STOX1: variants seen among roughly 807,000 people sequenced by gnomAD.
The protein encoded by STOX1 is storkhead-box protein 1.
In STOX1, 57 loss-of-function variants were observed where a neutral mutation model predicts 74.8. That is an observed-to-expected ratio of 0.76 (90% confidence interval 0.62 to 0.95). The LOEUF (loss-of-function observed/expected upper bound fraction) is 0.95, where lower values mean the gene tolerates loss of function less well. STOX1 is among the 40% of genes least tolerant of loss of function. The pLI is 0.00. For synonymous variants in STOX1, 375 were observed against 401.3 expected, an observed-to-expected ratio of 0.93 and a Z score of 0.78; for missense variants, 1,010 against 1,117.0, an observed-to-expected ratio of 0.90 and a Z score of 1.37.
At chr10:68,829,240 C>T (rs903318625) in intron 1 of STOX1, among the ~76,000 whole-genome samples, 3 of 152,182 alleles carry the variant, frequency 2.0e-5, no homozygotes, top group Admixed American at 1.3e-4. Context: ...TTTGAGAGGC[C>T]GAGGCAAGTG....
chr10:68,851,031 A>G (rs1267040575), intron 1 of STOX1, among the ~76,000 whole-genome samples: 1 of 151,106 alleles, frequency 6.6e-6, no homozygotes, highest in Non-Finnish European at 1.5e-5. Flanking sequence ...AAGAGAGGCC[A>G]GGTGCGGTGG....
intron 1 of STOX1, among the ~76,000 whole-genome samples, chr10:68,871,770 A>G (rs987172166): frequency 6.6e-6 from 1 of 152,146 alleles, no homozygotes; most frequent in African/African-American, 2.4e-5. Context: ...TTTCCATTTC[A>G]TTTGATTTTC....
intron 1 of STOX1, among the ~76,000 whole-genome samples, chr10:68,862,138 C>T (rs572348893): frequency 6.6e-6 from 1 of 152,182 alleles, no homozygotes; most frequent in African/African-American, 2.4e-5. Context: ...TGTAGCGCAA[C>T]TCCAGCTGCT....
intron 3 of STOX1, among the ~76,000 whole-genome samples, chr10:68,891,208 G>T (rs1643553136): frequency 1.3e-5 from 2 of 152,202 alleles, no homozygotes; most frequent in African/African-American, 2.4e-5. Context: ...AGAGGAAAGG[G>T]AAAGGAAAGT....
At chr10:68,864,265 CTT>C (rs1288647427) in intron 1 of STOX1, among the ~76,000 whole-genome samples, 1 of 152,176 alleles carries the variant, frequency 6.6e-6, no homozygotes, top group Non-Finnish European at 1.5e-5. Flanking sequence ...GTCCGAAAAA[CTT>C]TACCTTTTGA....
chr10:68,868,211 G>C lies in STOX1; in HGVS notation c.311-13747G>C, dbSNP rs541635386. Among the ~76,000 whole-genome samples, 14 of 152,356 alleles carry C rather than the reference G, an allele frequency of 9.2e-5. 1 individual carries two copies. The South Asian group carries it at 2.9e-3, about 32-fold the overall frequency. On this transcript the variant is annotated intron_variant, in intron 1 of 3. Coordinates refer to ENST00000298596, the MANE Select transcript of STOX1 (RefSeq NM_152709.5). Reference sequence around the variant, plus strand: ...GACAGAGAAATAGAGTGCAAAGTGGGATCGGGGGGCTAACAGCCTTCAGAG... The same window carrying C: ...GACAGAGAAATAGAGTGCAAAGTGGCATCGGGGGGCTAACAGCCTTCAGAG...
chr10:68,865,406 T>G (rs1035960664), intron 1 of STOX1, among the ~76,000 whole-genome samples: 3 of 152,172 alleles, frequency 2.0e-5, no homozygotes, highest in African/African-American at 7.2e-5. Flanking sequence ...TCCCAGCACT[T>G]TGGGAGGCCG....
At chr10:68,844,291 CTTCT>C (rs1839775809) in intron 1 of STOX1, among the ~76,000 whole-genome samples, 1 of 87,242 alleles carries the variant, frequency 1.1e-5, no homozygotes, top group African/African-American at 3.7e-5. Context: ...ATGTCTGGAT[CTTCT>C]TTTTTTTTTT....
chr10:68,893,584 A>T (rs926565832), downstream of STOX1, among the ~76,000 whole-genome samples: 7 of 151,946 alleles, frequency 4.6e-5, no homozygotes, highest in Non-Finnish European at 1.0e-4. Flanking sequence ...CACCCGGCAA[A>T]TTTTTTGTAT....
intron 1 of STOX1, among the ~76,000 whole-genome samples, chr10:68,830,238 C>A (rs1338788397): frequency 6.6e-6 from 1 of 152,194 alleles, no homozygotes; most frequent in Non-Finnish European, 1.5e-5. Context: ...CACTATGACC[C>A]CATCTGTGGG....
chr10:68,873,651 CTTTT>C, intron 1 of STOX1, among the ~76,000 whole-genome samples: 1 of 24,526 alleles, frequency 4.1e-5, no homozygotes, highest in South Asian at 1.3e-3. Context: ...CTTTTTTTTT[CTTTT>C]TTTTTTTTTT....
At chr10:68,851,918 G>GA (rs1839995905) in intron 1 of STOX1, among the ~76,000 whole-genome samples, 1 of 152,112 alleles carries the variant, frequency 6.6e-6, no homozygotes, top group Non-Finnish European at 1.5e-5. Flanking sequence ...CAGATCACCT[G>GA]AGTTCAGGAG....
chr10:68,852,314 A>C (rs1255686302), intron 1 of STOX1, among the ~76,000 whole-genome samples: 15 of 128,372 alleles, frequency 1.2e-4, no homozygotes, highest in African/African-American at 4.4e-4. Flanking sequence ...TGTGGACTGC[A>C]GTGGCGCAAT....
Position 68,882,054 on chromosome 10 carries a change from C to A in STOX1, c.407C>A (p.Ala136Asp), listed in dbSNP as rs1202679673. ...TGTGCTATATCTGATATGAATACAG[C>A]TCAGATTGTAGTAACGCAGGAATCA... Reference protein sequence around the residue: ...LCCAISDMNTAQIVVTQESLL... With the variant: ...LCCAISDMNTDQIVVTQESLL... The change falls in exon 2 of 4, where the codon GCT (alanine) becomes GAT (aspartate). Residue 136 changes from alanine (A) to aspartate (D), a missense_variant. Coordinates refer to ENST00000298596, the MANE Select transcript of STOX1 (RefSeq NM_152709.5). The A allele has an allele frequency of 6.2e-7, 1 of 1,613,632 alleles. No individual in the cohort carries two copies.
chr10:68,894,871 G>C (rs894902219), downstream of STOX1, among the ~76,000 whole-genome samples: 2 of 152,112 alleles, frequency 1.3e-5, no homozygotes, highest in African/African-American at 4.8e-5. Flanking sequence ...GACTACAGGC[G>C]TAAGCCACCA....
intron 1 of STOX1, among the ~76,000 whole-genome samples, chr10:68,874,168 T>G (rs1589232497): frequency 6.6e-6 from 1 of 152,154 alleles, no homozygotes; most frequent in African/African-American, 2.4e-5. Flanking sequence ...CAGAGGTGTT[T>G]GGTTTCCCTA....
At chr10:68,875,624 C>T (rs1284636749) in intron 1 of STOX1, among the ~76,000 whole-genome samples, 2 of 152,176 alleles carry the variant, frequency 1.3e-5, no homozygotes, top group African/African-American at 2.4e-5. Flanking sequence ...TGGAAGGGGC[C>T]TTTGTGTCCT....
In STOX1 at chr10:68,892,580, T is replaced by C. The variant is rs748026029; in HGVS notation, c.2823-9T>C. ...AAGCCAATAATTCTGTTATTTTTAA[T>C]ATCTTTAGGACACAGAGTCTGGGAT... On this transcript the variant is annotated splice_polypyrimidine_tract_variant and intron_variant, in intron 3 of 3. Coordinates refer to ENST00000298596, the MANE Select transcript of STOX1 (RefSeq NM_152709.5). The C allele has an allele frequency of 1.9e-6, 3 of 1,612,522 alleles. No individual in the cohort carries two copies. The highest frequency in any genetic ancestry group is 2.5e-6 in the Non-Finnish European group (3 of 1,178,752).
In STOX1 at chr10:68,885,572, A is replaced by C. The variant is rs746087580; in HGVS notation, c.1776A>C (p.Gln592His). Residue 592 changes from glutamine to histidine, a missense_variant, in exon 3 of 4, where the codon CAA (glutamine) becomes CAC (histidine). Transcript: ENST00000298596. ...LFSHPQQSML[Q>H]NDGKCCPFME... Reference sequence around the variant, plus strand: ...GTCACCCTCAACAGAGCATGTTGCAAAATGATGGTAAATGCTGTCCCTTTA... The same window carrying C: ...GTCACCCTCAACAGAGCATGTTGCACAATGATGGTAAATGCTGTCCCTTTA... 2.2e-5 allele frequency: 35 copies of C among 1,614,106 alleles called. No homozygotes were observed. The highest frequency in any genetic ancestry group is 2.8e-5 in the Non-Finnish European group (33 of 1,180,044).
Sources: gnomAD v4.1 joint callset for allele counts (sites outside exome capture counted in the v4.1 genomes callset) on GRCh38, gnomAD v4.1.1 for gene constraint, MANE v1.5 for transcripts, NCBI Gene and HGNC (gene_info 2026-07-23, HGNC 2026-07-21) for gene names.